The following SAMD4A variants were observed in gnomAD, a reference collection of about 807,000 sequenced individuals.
The protein encoded by SAMD4A is protein Smaug homolog 1.
Under a neutral mutation model 81.3 loss-of-function variants are expected in SAMD4A, and 33 were observed. That is an observed-to-expected ratio of 0.41 (90% CI 0.31 to 0.54). The LOEUF is 0.54. Ranked by LOEUF, SAMD4A falls within the 20% of genes least tolerant of loss-of-function variation. The pLI, the probability that SAMD4A is intolerant of heterozygous loss-of-function variation, is 0.37. For missense variants in SAMD4A, 854 were observed against 951.1 expected (o/e 0.90, Z 1.34); for synonymous variants, 389 against 382.1 (o/e 1.02, Z -0.21).
rs1594748851 is a variant in SAMD4A, at chr14:54,626,016, GT to G, written c.196+57905del. 0.019 allele frequency among the ~76,000 whole-genome samples: 679 copies of G among 36,688 alleles called. 12 individuals are homozygous for G. In the East Asian group the frequency reaches 0.23, roughly 12 times the overall value. The allele number at this position is 36,688 out of a possible 152,430, so 24.1% of individuals were successfully genotyped here. On this transcript the variant is annotated intron_variant, in intron 2 of 12. Transcript: ENST00000554335. ...TACAGAATAGCAGCTCTACTGCTAG[GT>G]GTGTGTGTGTGTGTGTGTGTGTGTG...
At chr14:54,654,800 A>G (rs2035482755) in intron 2 of SAMD4A, among the ~76,000 whole-genome samples, 1 of 152,166 alleles carries the variant, frequency 6.6e-6, no homozygotes, top group Non-Finnish European at 1.5e-5. Context: ...ATACTTGGGA[A>G]CCACCAGCCT....
At chr14:54,627,159 T>C (rs1366345004) in intron 2 of SAMD4A, among the ~76,000 whole-genome samples, 1 of 152,228 alleles carries the variant, frequency 6.6e-6, no homozygotes, top group South Asian at 2.1e-4. Context: ...AATTAAATTT[T>C]CCTTCAGTAC....
intron 2 of SAMD4A, among the ~76,000 whole-genome samples, chr14:54,691,549 CAAAAAAAAAAAA>C (rs10610242): frequency 2.0e-5 from 2 of 101,092 alleles, no homozygotes; most frequent in Non-Finnish European, 4.0e-5. Flanking sequence ...CTTCCCTTCT[CAAAAAAAAAAAA>C]AAAAAAAAAA....
chr14:54,634,086 G>A (rs1437341539), intron 2 of SAMD4A, among the ~76,000 whole-genome samples: 1 of 152,092 alleles, frequency 6.6e-6, no homozygotes, highest in African/African-American at 2.4e-5. Flanking sequence ...AGGAGTTCGA[G>A]ACCAGCCTGG....
intron 3 of SAMD4A, among the ~76,000 whole-genome samples, chr14:54,722,147 C>T (rs1594857646): frequency 6.6e-6 from 1 of 152,126 alleles, no homozygotes; most frequent in Non-Finnish European, 1.5e-5. Flanking sequence ...GTTGCTTTTT[C>T]CAGTCCATAA....
intron 2 of SAMD4A, among the ~76,000 whole-genome samples, chr14:54,674,896 G>T: frequency 6.6e-6 from 1 of 152,154 alleles, no homozygotes; most frequent in Non-Finnish European, 1.5e-5. Flanking sequence ...TATTAGGCCC[G>T]TGCCATGATG....
chr14:54,693,260 G>A (rs1315866222), intron 2 of SAMD4A: 1 of 152,172 alleles, frequency 6.6e-6, no homozygotes, highest in African/African-American at 2.4e-5. Context: ...AGGGGCAACT[G>A]AACAGTTTGT....
intron 2 of SAMD4A, among the ~76,000 whole-genome samples, chr14:54,568,497 C>T (rs1012693964): frequency 1.3e-4 from 20 of 151,194 alleles, no homozygotes; most frequent in African/African-American, 4.9e-4. Flanking sequence ...CAACGTGGCT[C>T]GCTGGATTTC....
chr14:54,647,322 C>T lies in SAMD4A; in HGVS notation c.197-54740C>T, dbSNP rs562927385. ...AAGGAGGATAGTTACCATTTTCTCT[C>T]TTTTACCAATACTTAAACTGAGGAT... is the stretch of plus-strand genomic sequence containing the variant. On this transcript the variant is annotated intron_variant, in intron 2 of 12. Transcript: ENST00000554335. Among the ~76,000 whole-genome samples, 89 of 152,304 alleles carry T rather than the reference C, an allele frequency of 5.8e-4. 1 individual carries two copies. Among genetic ancestry groups the T allele is most frequent in the African/African-American group, 2.1e-3 (86 of 41,564 alleles).
chr14:54,658,274 A>T (rs981810162), intron 2 of SAMD4A, among the ~76,000 whole-genome samples: 1 of 152,186 alleles, frequency 6.6e-6, no homozygotes, highest in Non-Finnish European at 1.5e-5. Context: ...TCGTGCCAGC[A>T]CACTCCAGCC....
At position 54,613,475 on chromosome 14, in the gene SAMD4A, C is replaced by G. The variant is rs191394295; in HGVS notation, c.196+45363C>G. Among the ~76,000 whole-genome samples, 868 of 152,276 alleles carry G rather than the reference C, an allele frequency of 5.7e-3. 16 individuals carry two copies. Among genetic ancestry groups the G allele is most frequent in the Non-Finnish European group, 8.0e-3 (541 of 68,020 alleles). ...AATAAAAATATCTTTACAATTCACCCAAGGGTTCTCACCTATTGTTGAAAA... is the reference window on the plus strand; with the variant it reads ...AATAAAAATATCTTTACAATTCACCGAAGGGTTCTCACCTATTGTTGAAAA... On this transcript the variant is annotated intron_variant, in intron 2 of 12. Coordinates refer to ENST00000554335, the MANE Select transcript of SAMD4A (RefSeq NM_015589.6).
intron 2 of SAMD4A, among the ~76,000 whole-genome samples, chr14:54,583,067 C>T (rs893385642): frequency 2.6e-5 from 4 of 152,244 alleles, no homozygotes; most frequent in African/African-American, 9.6e-5. Flanking sequence ...CCTCAGCCTC[C>T]CGAGTAGCTG....
rs530747175 is a variant in SAMD4A at position 54,781,184 on chromosome 14, C to T, written c.2045-3353C>T. On this transcript the variant is annotated intron_variant, in intron 11 of 12. Transcript: ENST00000554335. The stretch of plus-strand genomic sequence containing the variant: ...GATTCTATAGATTTTTCCTGGAATG[C>T]CCCAGCCTGTTTCTTATTCTAAAGT... Among the ~76,000 whole-genome samples, 6 of 152,348 alleles carry T rather than the reference C, an allele frequency of 3.9e-5. No individual in the cohort carries two copies. The East Asian group carries it at 1.2e-3, about 29-fold the overall frequency.
intron 3 of SAMD4A, among the ~76,000 whole-genome samples, chr14:54,729,115 C>T (rs561686053): frequency 5.3e-5 from 8 of 152,212 alleles, no homozygotes; most frequent in South Asian, 4.2e-4. Flanking sequence ...ATTTGTTCAG[C>T]GACTCTGGCC....
chr14:54,603,111 G>A (rs73269597), intron 2 of SAMD4A, among the ~76,000 whole-genome samples: 1,920 of 152,244 alleles, frequency 0.013, 31 homozygotes, highest in African/African-American at 0.043. Flanking sequence ...GGAGCGAGGC[G>A]GACCATGTGA....
chr14:54,565,463 G>A (rs2032902157), upstream of SAMD4A, among the ~76,000 whole-genome samples: 2 of 152,246 alleles, frequency 1.3e-5, no homozygotes, highest in African/African-American at 2.4e-5. The surrounding 1 kb of genome is among the most constrained non-coding windows in gnomAD (Gnocchi z 5.4). Context: ...CACCCGACCC[G>A]GGCCAGGCCC....
At chr14:54,739,592 T>C (rs1250088162) in intron 4 of SAMD4A, among the ~76,000 whole-genome samples, 2 of 151,944 alleles carry the variant, frequency 1.3e-5, no homozygotes, top group Non-Finnish European at 2.9e-5. Flanking sequence ...AAAAGTATAT[T>C]TGCAGTTTAG....
At chr14:54,683,387 G>T (rs1196237211) in intron 2 of SAMD4A, among the ~76,000 whole-genome samples, 1 of 152,196 alleles carries the variant, frequency 6.6e-6, no homozygotes, top group Non-Finnish European at 1.5e-5. Context: ...GACTAAAAGG[G>T]ATAGTTCCAA....
intron 2 of SAMD4A, among the ~76,000 whole-genome samples, chr14:54,586,301 G>C (rs2033616201): frequency 6.6e-6 from 1 of 152,098 alleles, no homozygotes; most frequent in Non-Finnish European, 1.5e-5. Flanking sequence ...TGAGTTGTTT[G>C]AATTCTTTAT....
Sources: allele counts gnomAD v4.1 joint callset (sites outside exome capture counted in the v4.1 genomes callset), GRCh38; gene constraint gnomAD v4.1.1; non-coding constraint Gnocchi (gnomAD v3.1); transcripts MANE v1.5; gene names NCBI Gene and HGNC (gene_info 2026-07-23, HGNC 2026-07-21).